The following PTPRT variants were observed in gnomAD, a reference collection of about 807,000 sequenced individuals.
PTPRT encodes receptor-type tyrosine-protein phosphatase T.
In PTPRT, 56 loss-of-function variants were observed where a neutral mutation model predicts 176.8. That is an observed-to-expected ratio of 0.32 (90% CI 0.26 to 0.40). The LOEUF is 0.40. PTPRT is among the 10% of genes least tolerant of loss of function. PTPRT has a pLI of 1.00. For synonymous variants in PTPRT, 783 were observed against 739.0 expected, an observed-to-expected ratio of 1.06 and a Z score of -0.96; for missense variants, 1,540 against 1,908.2, an observed-to-expected ratio of 0.81 and a Z score of 3.60.
In PTPRT at chr20:42,861,595, T is replaced by C. The variant is rs2145793864; in HGVS notation, c.214+24212A>G. ...ACAAAACAGATAAGCCTTCTGCCCT[T>C]ATGTTCTCTTAGGGAAAACAGTTAC... On this transcript the variant is annotated intron_variant, in intron 2 of 30. Coordinates refer to ENST00000373187, the MANE Select transcript of PTPRT (RefSeq NM_007050.6). 1.3e-5 allele frequency among the ~76,000 whole-genome samples: 2 copies of C among 151,688 alleles called. 1 individual carries two copies. Among genetic ancestry groups the C allele is most frequent in the Admixed American group, 1.3e-4 (2 of 15,080 alleles).
intron 11 of PTPRT, among the ~76,000 whole-genome samples, chr20:42,345,366 T>TATACACAC (rs1266558127): frequency 2.0e-4 from 27 of 134,098 alleles, no homozygotes; most frequent in African/African-American, 7.4e-4. Context: ...AAGGCATATA[T>TATACACAC]ACACACACAC....
intron 1 of PTPRT, among the ~76,000 whole-genome samples, chr20:43,156,272 C>G (rs2014520864): frequency 6.6e-6 from 1 of 152,168 alleles, no homozygotes; most frequent in Admixed American, 6.5e-5. Flanking sequence ...ATAACAGAAC[C>G]TCAGAATTAG....
intron 29 of PTPRT, 115 bp from the exon 30 acceptor site, chr20:42,082,132 G>GGCAA: frequency 6.9e-7 from 1 of 1,443,046 alleles, no homozygotes; most frequent in Non-Finnish European, 9.6e-7. Flanking sequence ...TGCAAGGCAA[G>GGCAA]GCAATGGTGA....
At chr20:42,363,300 A>ATATATTTTTTTT in intron 9 of PTPRT, among the ~76,000 whole-genome samples, 1 of 30,560 alleles carries the variant, frequency 3.3e-5, no homozygotes, top group Admixed American at 5.4e-4. Flanking sequence ...ATATATATAT[A>ATATATTTTTTTT]TTTTTTTTTT....
At chr20:43,076,586 C>T (rs1341768057) in intron 1 of PTPRT, among the ~76,000 whole-genome samples, 1 of 152,110 alleles carries the variant, frequency 6.6e-6, no homozygotes, top group African/African-American at 2.4e-5. Flanking sequence ...AAAAAGATTC[C>T]AAGCAACATG....
chr20:42,460,216 G>A (rs1003521824), intron 8 of PTPRT, among the ~76,000 whole-genome samples: 14 of 152,192 alleles, frequency 9.2e-5, no homozygotes, highest in Non-Finnish European at 1.8e-4. Flanking sequence ...ACATATGGAT[G>A]GATTTTAAAG....
At chr20:42,490,979 A>C (rs2071552588) in intron 7 of PTPRT, among the ~76,000 whole-genome samples, 1 of 152,186 alleles carries the variant, frequency 6.6e-6, no homozygotes, top group South Asian at 2.1e-4. Context: ...ATTATAAGTA[A>C]ATCTGCTATG....
At chr20:42,182,504 C>A (rs1355405481) in intron 16 of PTPRT, among the ~76,000 whole-genome samples, 2 of 152,020 alleles carry the variant, frequency 1.3e-5, no homozygotes, top group African/African-American at 4.8e-5. Context: ...ATTTGGGTCT[C>A]CACTGCAGAA....
chr20:42,533,251 G>C (rs1449744602), intron 7 of PTPRT, among the ~76,000 whole-genome samples: 2 of 152,138 alleles, frequency 1.3e-5, no homozygotes, highest in African/African-American at 4.8e-5. Flanking sequence ...AGAAAATCAA[G>C]CAGAGGCATT....
intron 1 of PTPRT, among the ~76,000 whole-genome samples, chr20:42,993,766 C>A (rs6016935): frequency 0.039 from 5,911 of 151,924 alleles, 369 homozygotes; most frequent in African/African-American, 0.13. Flanking sequence ...ATCACCAAAA[C>A]TCACCAACAT....
chr20:43,060,820 T>C lies in PTPRT; in HGVS notation c.88+128826A>G, dbSNP rs187037236. Among the ~76,000 whole-genome samples, 173 of 152,248 alleles carry C rather than the reference T, an allele frequency of 1.1e-3. 1 individual carries two copies. Among genetic ancestry groups the C allele is most frequent in the African/African-American group, 4.1e-3 (169 of 41,524 alleles). On this transcript the variant is annotated intron_variant, in intron 1 of 30. Transcript: ENST00000373187. ...TCAATAAAATGTGCCTAGTAAGAAT[T>C]AGACTTGTTTGGGAGGAGGAGAACT...
At chr20:42,964,983 T>A (rs1249575557) in intron 1 of PTPRT, among the ~76,000 whole-genome samples, 4 of 152,238 alleles carry the variant, frequency 2.6e-5, no homozygotes, top group African/African-American at 9.6e-5. Context: ...TATTTTAAAG[T>A]GATTCTCTAC....
intron 1 of PTPRT, among the ~76,000 whole-genome samples, chr20:43,111,185 C>G (rs1035905755): frequency 6.6e-6 from 1 of 151,986 alleles, no homozygotes; most frequent in Non-Finnish European, 1.5e-5. Context: ...ACAAGGGGGT[C>G]CCCACACAAG....
At position 42,171,456 on chromosome 20, in the gene PTPRT, A is replaced by G. The variant is rs184491167; in HGVS notation, c.2492-9914T>C. On this transcript the variant is annotated intron_variant, in intron 16 of 30. Coordinates refer to ENST00000373187, the MANE Select transcript of PTPRT (RefSeq NM_007050.6). ...AAACCAGGAAGTGGGTGACTGATAC[A>G]TCACTAGGAATAAAAGTATATTATC... Among the ~76,000 whole-genome samples the G allele has an allele frequency of 1.4e-4, 21 of 152,328 alleles. 1 individual carries two copies. Among genetic ancestry groups the G allele is most frequent in the African/African-American group, 4.8e-4 (20 of 41,582 alleles).
intron 20 of PTPRT, among the ~76,000 whole-genome samples, 186 bp downstream of exon 20, chr20:42,119,749 C>T (rs530817924): frequency 1.3e-5 from 2 of 152,330 alleles, no homozygotes; most frequent in East Asian, 3.9e-4. Flanking sequence ...GGAGAGTCTT[C>T]AGCCTACCCC....
chr20:42,732,830 T>C (rs1232886365), intron 6 of PTPRT, among the ~76,000 whole-genome samples: 5 of 152,172 alleles, frequency 3.3e-5, no homozygotes, highest in African/African-American at 1.2e-4. Context: ...ATGTACTGAT[T>C]TTTAAAATTC....
chr20:42,687,115 T>C (rs1282652528), intron 6 of PTPRT: 1 of 152,042 alleles, frequency 6.6e-6, no homozygotes, highest in Non-Finnish European at 1.5e-5. Flanking sequence ...AATATCATCA[T>C]CCTCCCAACC....
chr20:42,592,043 G>A (rs1457318417), intron 7 of PTPRT, among the ~76,000 whole-genome samples: 7 of 139,664 alleles, frequency 5.0e-5, no homozygotes, highest in Middle Eastern at 4.0e-3. Context: ...GCAGTGGCAC[G>A]ATCTCAGCTC....
intron 1 of PTPRT, among the ~76,000 whole-genome samples, chr20:43,173,206 G>A (rs1170633792): frequency 6.6e-6 from 1 of 152,164 alleles, no homozygotes; most frequent in Admixed American, 6.5e-5. Flanking sequence ...AAGGAAGGAA[G>A]ATTCAGCCAA....
Sources: allele counts gnomAD v4.1 joint callset (sites outside exome capture counted in the v4.1 genomes callset), GRCh38; gene constraint gnomAD v4.1.1; transcripts MANE v1.5; gene names NCBI Gene and HGNC (gene_info 2026-07-23, HGNC 2026-07-21).